Variants in AMZ1 observed in about 807,000 individuals in gnomAD.
The protein encoded by AMZ1 is archaemetzincin-1.
In AMZ1, 39 loss-of-function variants were observed where a neutral mutation model predicts 29.9. The ratio of observed to expected loss-of-function variants is 1.30; its 90% CI spans 1.01 to 1.70. The LOEUF (loss-of-function observed/expected upper bound fraction) is 1.70, where lower values mean the gene tolerates loss of function less well. AMZ1 is among the 40% of genes most tolerant of loss of function. AMZ1 has a pLI of 0.00. For missense variants in AMZ1, 1,041 were observed against 680.6 expected (o/e 1.53, Z -5.89); for synonymous variants, 458 against 304.0 (o/e 1.51, Z -5.27).
chr7:2,762,902 G>A (rs1481555233), upstream of AMZ1: 3 of 1,421,612 alleles, frequency 2.1e-6, no homozygotes, highest in Non-Finnish European at 2.8e-6. Flanking sequence ...TGCTGCGGCG[G>A]GGAGAAGAGG....
At chr7:2,712,202 C>G in intron 6 of AMZ1, 128 bp from the exon 7 acceptor site, 1 of 1,023,202 alleles carries the variant, frequency 9.8e-7, no homozygotes, top group Non-Finnish European at 1.4e-6. Context: ...CTCACACCAC[C>G]AGCCTGACTC....
Position 2,712,234 on chromosome 7 carries a change from C to T in AMZ1, c.949-96C>T, listed in dbSNP as rs151017893. 7,645 of 1,333,458 alleles carry T rather than the reference C, an allele frequency of 5.7e-3. 22 individuals are homozygous for T. The highest frequency in any genetic ancestry group is 6.6e-3 in the Non-Finnish European group (6,600 of 1,000,356). 82.6% of individuals were successfully genotyped at this position (1,333,458 alleles called of 1,614,324 possible). Reference sequence around the variant, plus strand: ...ACTCCCGCCCCTGGGTAACTGAGGACGGTGGGGTCCCCTTAGGTAAGGAGG... The same window carrying T: ...ACTCCCGCCCCTGGGTAACTGAGGATGGTGGGGTCCCCTTAGGTAAGGAGG... On this transcript the variant is annotated intron_variant, in intron 6 of 6. Transcript: ENST00000683327.
At chr7:2,709,359 T>A (rs1445132101) in intron 5 of AMZ1, 115 bp downstream of exon 5, 9 of 1,181,144 alleles carry the variant, frequency 7.6e-6, no homozygotes, top group African/African-American at 6.2e-5. Flanking sequence ...GACCCCTAAC[T>A]CTATGGAATG....
chr7:2,701,622 C>T (rs544038868), intron 2 of AMZ1, among the ~76,000 whole-genome samples: 26 of 152,348 alleles, frequency 1.7e-4, no homozygotes, highest in African/African-American at 5.8e-4. Flanking sequence ...ATGCCAAGAG[C>T]AGCCTGGCAG....
Position 2,699,446 on chromosome 7 carries a change from C to G in AMZ1, c.-218-788C>G, listed in dbSNP as rs116080392. On this transcript the variant is annotated intron_variant, in intron 1 of 6. Coordinates refer to ENST00000683327, the MANE Select transcript of AMZ1 (RefSeq NM_001384743.1). ...TCTAGCTGGTGGGGTTTGGCACAAACGCCTGCCCTGACTGCTTCATCTGGA... is the reference window on the plus strand; with the variant it reads ...TCTAGCTGGTGGGGTTTGGCACAAAGGCCTGCCCTGACTGCTTCATCTGGA... Among the ~76,000 whole-genome samples, 503 of 152,296 alleles carry G rather than the reference C, an allele frequency of 3.3e-3. 3 individuals are homozygous for G. The highest frequency in any genetic ancestry group is 0.011 in the African/African-American group (470 of 41,556).
At chr7:2,726,242 C>A (rs1308584243) in intron 4 of AMZ1, among the ~76,000 whole-genome samples, 2 of 152,210 alleles carry the variant, frequency 1.3e-5, no homozygotes, top group Non-Finnish European at 2.9e-5. Flanking sequence ...CCCACCATCC[C>A]CGCAATTCTC....
intron 4 of AMZ1, among the ~76,000 whole-genome samples, chr7:2,740,279 C>G (rs1011160476): frequency 6.6e-6 from 1 of 152,130 alleles, no homozygotes; most frequent in East Asian, 1.9e-4. Context: ...GAAGCCCTAC[C>G]TGCAGTGTGA....
In AMZ1 at chr7:2,758,314, A is replaced by G. The variant is rs182523523; in HGVS notation, n.551-6398A>G. ...ACAAGGCTCTGCAAACACTTATCTC[A>G]TTCGCCATCCAAGTGATGACATCCT... On this transcript the variant is annotated intron_variant and non_coding_transcript_variant, in intron 4 of 4. Transcript: ENST00000489665. 2.5e-3 allele frequency among the ~76,000 whole-genome samples: 375 copies of G among 152,256 alleles called. 4 individuals carry two copies. The Middle Eastern group carries it at 0.034, about 14-fold the overall frequency.
intron 1 of AMZ1, among the ~76,000 whole-genome samples, chr7:2,691,429 C>A (rs1476564689): frequency 6.7e-6 from 1 of 148,384 alleles, no homozygotes; most frequent in Non-Finnish European, 1.5e-5. Flanking sequence ...CTTTGGAGGT[C>A]GGACAAGGTG....
chr7:2,719,814 G>A (rs951590005), downstream of AMZ1, among the ~76,000 whole-genome samples: 1 of 151,908 alleles, frequency 6.6e-6, no homozygotes, highest in South Asian at 2.1e-4. Context: ...CCACGTAGAT[G>A]GGATTACAGG....
intron 4 of AMZ1, among the ~76,000 whole-genome samples, chr7:2,754,203 C>A (rs1417199682): frequency 6.6e-6 from 1 of 152,196 alleles, no homozygotes; most frequent in Non-Finnish European, 1.5e-5. Flanking sequence ...TCTGAGTCTG[C>A]ATCTCCCTTA....
intron 4 of AMZ1, among the ~76,000 whole-genome samples, chr7:2,745,249 A>G (rs930354996): frequency 6.6e-6 from 1 of 152,240 alleles, no homozygotes. Context: ...GAAGGAAAAA[A>G]TGTTAAGGGC....
At chr7:2,692,276 C>CA (rs1284810682) in intron 1 of AMZ1, among the ~76,000 whole-genome samples, 1 of 152,062 alleles carries the variant, frequency 6.6e-6, no homozygotes, top group East Asian at 1.9e-4. Context: ...CGTGGTGGCT[C>CA]ACGCCTGTAA....
chr7:2,758,708 G>T (rs1437826240), intron 4 of AMZ1, among the ~76,000 whole-genome samples: 5 of 152,228 alleles, frequency 3.3e-5, no homozygotes, highest in African/African-American at 1.2e-4. Flanking sequence ...GTAGCAGCGT[G>T]CCCCTAACAG....
upstream of AMZ1, among the ~76,000 whole-genome samples, chr7:2,761,645 CAA>C (rs2115398028): frequency 6.6e-6 from 1 of 152,280 alleles, no homozygotes; most frequent in South Asian, 2.1e-4. Context: ...GGACGGAACC[CAA>C]AGACAATTTC....
Position 2,719,024 on chromosome 7 carries a change from T to TCC in AMZ1, c.*6152_*6153dup, listed in dbSNP as rs66846250. Among the ~76,000 whole-genome samples the TCC allele has an allele frequency of 7.0e-6, 1 of 142,262 alleles. No homozygotes were observed. The highest frequency in any genetic ancestry group is 1.5e-5 in the Non-Finnish European group (1 of 65,058). The allele number at this position is 142,262 out of a possible 152,430, so 93.3% of individuals were successfully genotyped here. A position where few individuals can be genotyped will look rare whatever the true frequency, so the allele number is the denominator to read the frequency against. On this transcript the variant is annotated 3_prime_UTR_variant, in exon 7 of 7. Transcript: ENST00000683327. ...AACAGGCGACTTTTTTTTTTTTTTT[T>TCC]CCCCCCCATCTGAAGTGAGATCAAA...
chr7:2,707,368 C>A (rs1411157940), intron 3 of AMZ1, among the ~76,000 whole-genome samples: 4 of 152,120 alleles, frequency 2.6e-5, no homozygotes, highest in Non-Finnish European at 5.9e-5. Context: ...AAACACTTCT[C>A]CGGTGTGCCT....
chr7:2,761,830 A>G (rs1224287408), upstream of AMZ1, among the ~76,000 whole-genome samples: 1 of 152,238 alleles, frequency 6.6e-6, no homozygotes, highest in East Asian at 1.9e-4. Context: ...CATACCCTGG[A>G]TAGTGCTGAG....
chr7:2,709,013 C>T (rs1022332852), intron 4 of AMZ1, 62 bp from the exon 5 acceptor site: 121 of 1,501,490 alleles, frequency 8.1e-5, no homozygotes, highest in South Asian at 1.6e-4. Flanking sequence ...GTGGGTTTGA[C>T]GGTGGGCCCC....
Sources: allele counts gnomAD v4.1 joint callset (sites outside exome capture counted in the v4.1 genomes callset), GRCh38; gene constraint gnomAD v4.1.1; transcripts MANE v1.5; gene names NCBI Gene and HGNC (gene_info 2026-07-23, HGNC 2026-07-21).